Variants in CTDSPL2 observed in about 807,000 individuals in gnomAD.
CTDSPL2 encodes the protein CTD small phosphatase like 2.
A neutral mutation model predicts 60.0 loss-of-function variants in CTDSPL2; 5 were observed. The observed-to-expected ratio is 0.08, with a 90% CI of 0.04 to 0.18. CTDSPL2 has a LOEUF of 0.18. Ranked by LOEUF, CTDSPL2 falls within the 10% of genes least tolerant of loss-of-function variation. The probability of loss-of-function intolerance (pLI) is 1.00; values close to 1 mark genes in which losing one functional copy is unlikely to be tolerated. For synonymous variants in CTDSPL2, 186 were observed against 189.3 expected, an observed-to-expected ratio of 0.98 and a Z score of 0.14; for missense variants, 370 against 548.8, an observed-to-expected ratio of 0.67 and a Z score of 3.26.
At chr15:44,505,535 G>C (rs1352213212) in intron 8 of CTDSPL2, among the ~76,000 whole-genome samples, 1 of 152,076 alleles carries the variant, frequency 6.6e-6, no homozygotes, top group Non-Finnish European at 1.5e-5. Flanking sequence ...GAGAGTTCGA[G>C]ACCAGCCTAA....
chr15:44,456,614 G>A (rs190011093), intron 1 of CTDSPL2, among the ~76,000 whole-genome samples: 26 of 152,032 alleles, frequency 1.7e-4, no homozygotes, highest in South Asian at 2.1e-4. Flanking sequence ...TTTTTACTGC[G>A]TCTATTTGAT....
At chr15:44,502,733 A>G (rs2081400532) in intron 8 of CTDSPL2, among the ~76,000 whole-genome samples, 1 of 152,222 alleles carries the variant, frequency 6.6e-6, no homozygotes, top group Non-Finnish European at 1.5e-5. Flanking sequence ...AGAAGTAAGT[A>G]ATCAAATGTT....
intron 2 of CTDSPL2, 30 bp from the exon 3 acceptor site, chr15:44,484,194 A>AG: frequency 1.3e-6 from 2 of 1,570,450 alleles, no homozygotes; most frequent in Non-Finnish European, 1.7e-6. Flanking sequence ...GATTGTGCTT[A>AG]GTGTGTTTTT....
chr15:44,472,405 G>T (rs773065262), intron 2 of CTDSPL2, among the ~76,000 whole-genome samples: 15 of 152,138 alleles, frequency 9.9e-5, no homozygotes, highest in Non-Finnish European at 1.6e-4. Context: ...GCAGTATGTC[G>T]TAGTTTTGAT....
chr15:44,468,576 C>G (rs2080742264), intron 2 of CTDSPL2, among the ~76,000 whole-genome samples: 1 of 152,086 alleles, frequency 6.6e-6, no homozygotes, highest in Non-Finnish European at 1.5e-5. Context: ...GAGCTTAAAT[C>G]AGATATCAGT....
intron 11 of CTDSPL2, chr15:44,520,111 T>C (rs2081736587): frequency 1.3e-5 from 2 of 151,702 alleles, no homozygotes. Flanking sequence ...AGATTATGAA[T>C]ATGTCCATGT....
intron 10 of CTDSPL2, among the ~76,000 whole-genome samples, chr15:44,517,785 G>C (rs1184846803): frequency 6.6e-6 from 1 of 152,190 alleles, no homozygotes; most frequent in East Asian, 1.9e-4. Context: ...TGCTGTATCT[G>C]CCTTTCCAGT....
intron 1 of CTDSPL2, among the ~76,000 whole-genome samples, chr15:44,451,722 G>T (rs1307382673): frequency 6.6e-6 from 1 of 152,008 alleles, no homozygotes; most frequent in African/African-American, 2.4e-5. Context: ...AAAGTTGTTG[G>T]TTGTTTAGCA....
At chr15:44,493,947 CCATTGGA>C (rs2081256890) in intron 5 of CTDSPL2, among the ~76,000 whole-genome samples, 1 of 151,888 alleles carries the variant, frequency 6.6e-6, no homozygotes, top group African/African-American at 2.4e-5. Flanking sequence ...CTGATGTCAT[CCATTGGA>C]CATACACACC....
chr15:44,462,549 AC>A (rs1158709568), intron 2 of CTDSPL2, among the ~76,000 whole-genome samples: 3 of 151,952 alleles, frequency 2.0e-5, no homozygotes, highest in African/African-American at 7.2e-5. Context: ...AGAATTTGCT[AC>A]TATTGATCTG....
rs1173511164 is a variant in CTDSPL2 at position 44,490,884 on chromosome 15, T to C, written c.576T>C (p.Thr192=). 8 of 1,613,846 alleles carry C rather than the reference T, an allele frequency of 5.0e-6. No homozygotes were observed. The highest frequency in any genetic ancestry group is 6.8e-6 in the Non-Finnish European group (8 of 1,179,890). The change falls in exon 5 of 13, where the codon ACT becomes ACC. Residue 192 remains threonine (T), a synonymous_variant. Coordinates refer to ENST00000260327, the MANE Select transcript of CTDSPL2 (RefSeq NM_016396.3). Reference sequence around the variant, plus strand: ...TGGATGAGATCACTACCAGTACTACTACATCAACTAATGGAGCAGCTTACT... The same window carrying C: ...TGGATGAGATCACTACCAGTACTACCACATCAACTAATGGAGCAGCTTACT... The part of the protein sequence containing the change: ...EQVDEITTST[T]TSTNGAAYSN...
At chr15:44,485,809 G>A (rs2081108616) in intron 3 of CTDSPL2, among the ~76,000 whole-genome samples, 1 of 151,978 alleles carries the variant, frequency 6.6e-6, no homozygotes, top group Non-Finnish European at 1.5e-5. Context: ...CAAACCAGGA[G>A]GGAGAAAAAG....
intron 2 of CTDSPL2, among the ~76,000 whole-genome samples, chr15:44,470,124 G>A (rs2080775863): frequency 6.7e-6 from 1 of 150,370 alleles, no homozygotes; most frequent in African/African-American, 2.4e-5. Flanking sequence ...AAAAAAAATG[G>A]CGACTGCATA....
At chr15:44,523,771 C>T (rs896965144) in intron 12 of CTDSPL2, among the ~76,000 whole-genome samples, 1 of 152,094 alleles carries the variant, frequency 6.6e-6, no homozygotes. Flanking sequence ...TGGTGGTGGG[C>T]GTCTGTAGTC....
At chr15:44,501,597 A>G (rs1306075676) in intron 8 of CTDSPL2, among the ~76,000 whole-genome samples, 2 of 152,078 alleles carry the variant, frequency 1.3e-5, no homozygotes, top group Non-Finnish European at 2.9e-5. Flanking sequence ...TACTGCATCT[A>G]CCTCTGTGGA....
intron 8 of CTDSPL2, among the ~76,000 whole-genome samples, chr15:44,500,912 G>C (rs2081372472): frequency 6.6e-6 from 1 of 152,114 alleles, no homozygotes; most frequent in South Asian, 2.1e-4. Context: ...TTTTATGTAA[G>C]CTGATTTTAG....
intron 1 of CTDSPL2, among the ~76,000 whole-genome samples, chr15:44,433,256 A>C (rs146066823): frequency 5.4e-5 from 8 of 148,788 alleles, no homozygotes; most frequent in African/African-American, 2.0e-4. Context: ...TTGAGGCTGC[A>C]GTGAGCCGTG....
rs1055505572 is a variant in CTDSPL2, at chr15:44,446,502, C to T, written c.-24-12489C>T. The stretch of plus-strand genomic sequence containing the variant: ...ACAAGTAGCCGGGTGTGGTGGCATG[C>T]GCCTGTAATCCCAGCTACTTGGGAG... On this transcript the variant is annotated intron_variant, in intron 1 of 12. Transcript: ENST00000260327. Among the ~76,000 whole-genome samples the T allele has an allele frequency of 7.2e-5, 11 of 151,994 alleles. No homozygotes were observed. The East Asian group carries it at 1.2e-3, about 16-fold the overall frequency.
intron 1 of CTDSPL2, among the ~76,000 whole-genome samples, chr15:44,441,628 T>C (rs977141330): frequency 9.9e-5 from 15 of 152,198 alleles, no homozygotes; most frequent in African/African-American, 3.6e-4. Context: ...GGTGAGCCCG[T>C]GCTTGCTTTC....
Sources: allele counts gnomAD v4.1 joint callset (sites outside exome capture counted in the v4.1 genomes callset), GRCh38; gene constraint gnomAD v4.1.1; transcripts MANE v1.5; gene names NCBI Gene and HGNC (gene_info 2026-07-23, HGNC 2026-07-21).